Variants in CEP192 observed in about 807,000 individuals in gnomAD.
CEP192 encodes centrosomal protein of 192 kDa.
In CEP192, 151 loss-of-function variants were observed where a neutral mutation model predicts 271.8. The ratio of observed to expected loss-of-function variants is 0.56; its 90% CI spans 0.49 to 0.64. The LOEUF (loss-of-function observed/expected upper bound fraction) is 0.64, where lower values mean the gene tolerates loss of function less well. CEP192 is among the 30% of genes least tolerant of loss of function. CEP192 has a pLI of 0.00. For missense variants in CEP192, 2,910 were observed against 3,020.5 expected, an observed-to-expected ratio of 0.96 and a Z score of 0.86; for synonymous variants, 995 against 1,076.5, an observed-to-expected ratio of 0.92 and a Z score of 1.48.
intron 1 of CEP192, among the ~76,000 whole-genome samples, chr18:12,993,623 C>T (rs754652761): frequency 7.2e-5 from 11 of 152,156 alleles, no homozygotes; most frequent in Non-Finnish European, 1.3e-4. Context: ...GCTGGGACTC[C>T]AAGGCATGCA....
chr18:13,114,054 A>G, intron 41 of CEP192, 76 bp from the exon 42 acceptor site: 1 of 1,489,044 alleles, frequency 6.7e-7, no homozygotes, highest in Non-Finnish European at 9.1e-7. Context: ...GAAATGATAG[A>G]ATTCAAATAA....
chr18:13,049,558 G>C lies in CEP192; in HGVS notation c.2767G>C (p.Asp923His). 1 of 1,613,910 alleles carries C rather than the reference G, an allele frequency of 6.2e-7. No individual in the cohort carries two copies. The highest frequency in any genetic ancestry group is 8.5e-7 in the Non-Finnish European group (1 of 1,179,964). ...AATAACATCCCTTTGTCTGTTAAAA[G>C]ACTGTGAAGAAATACGAGATAACAG... is the stretch of plus-strand genomic sequence containing the variant. The part of the protein sequence containing the change: ...PRITSLCLLK[D>H]CEEIRDNREN... The change falls in exon 16 of 45, where the codon GAC becomes CAC. Residue 923 changes from aspartate to histidine, a missense_variant. Coordinates refer to ENST00000506447, the MANE Select transcript of CEP192 (RefSeq NM_032142.4).
chr18:13,012,224 C>T (rs2034403069), intron 4 of CEP192, among the ~76,000 whole-genome samples: 1 of 152,096 alleles, frequency 6.6e-6, no homozygotes, highest in South Asian at 2.1e-4. Context: ...GTGATGGCTG[C>T]ACAACCTAGT....
At chr18:13,009,796 G>A (rs1411023031) in intron 4 of CEP192, among the ~76,000 whole-genome samples, 1 of 152,250 alleles carries the variant, frequency 6.6e-6, no homozygotes, top group Non-Finnish European at 1.5e-5. Context: ...TCGTGCCACT[G>A]TACTCCAGCC....
Position 13,008,503 on chromosome 18 carries a change from A to G in CEP192, c.338A>G (p.Asn113Ser). 6.4e-7 allele frequency: 1 copy of G among 1,551,370 alleles called. No homozygotes were observed. The highest frequency in any genetic ancestry group is 1.2e-5 in the South Asian group (1 of 84,006). Residue 113 changes from asparagine (N) to serine (S), a missense_variant, in exon 4 of 45, where the codon AAT (asparagine) becomes AGT (serine). By Grantham distance (46) the Asn-to-Ser change is conservative. Coordinates refer to ENST00000506447, the MANE Select transcript of CEP192 (RefSeq NM_032142.4). ...TATGTGGAAAGTCAACGTTTGTCAA[A>G]TGCTCTCAGCAAACAGTCAGCTTTA... ...KSYVESQRLS[N>S]ALSKQSALQM...
At chr18:13,103,616 C>T (rs373107133) in intron 39 of CEP192, 28 bp downstream of exon 39, 28 of 1,515,176 alleles carry the variant, frequency 1.8e-5, no homozygotes, top group Non-Finnish European at 2.0e-5. Flanking sequence ...CAGATATAAT[C>T]GTTTTAATGT....
chr18:13,075,179 G>T (rs1038475963), intron 30 of CEP192, among the ~76,000 whole-genome samples: 1 of 152,216 alleles, frequency 6.6e-6, no homozygotes, highest in Non-Finnish European at 1.5e-5. Context: ...GAGGGAGGGA[G>T]TTTGGCCTTT....
At chr18:13,017,907 G>T (rs916264651) in intron 7 of CEP192, among the ~76,000 whole-genome samples, 3 of 152,058 alleles carry the variant, frequency 2.0e-5, no homozygotes, top group African/African-American at 7.2e-5. Flanking sequence ...TTAATTTGGA[G>T]TAGTTCTTTC....
At chr18:13,095,469 T>C (rs1362643064) in intron 34 of CEP192, 34 bp from the exon 35 acceptor site, 2 of 1,544,578 alleles carry the variant, frequency 1.3e-6, no homozygotes, top group African/African-American at 1.4e-5. Context: ...TCTTTCTTCA[T>C]GTCTAACTTT....
rs541151822 is a variant in CEP192, at chr18:13,068,843, T to C, written c.4823-9T>C. 67 of 1,614,130 alleles carry C rather than the reference T, an allele frequency of 4.2e-5. 2 individuals carry two copies. In the South Asian group the frequency reaches 7.2e-4, roughly 17 times the overall value. On this transcript the variant is annotated splice_polypyrimidine_tract_variant and intron_variant, in intron 24 of 44. Transcript: ENST00000506447. ...GGTCTCCAAGCTAAAAGAATGAACTTTTTTTTAGATATTCTGGACTCAGCA... is the reference window on the plus strand; with the variant it reads ...GGTCTCCAAGCTAAAAGAATGAACTCTTTTTTAGATATTCTGGACTCAGCA...
At chr18:13,000,091 C>CTCTCTCTCT (rs1555698196) in intron 2 of CEP192, among the ~76,000 whole-genome samples, 2 of 76,750 alleles carry the variant, frequency 2.6e-5, no homozygotes, top group African/African-American at 8.5e-5. Flanking sequence ...TGTCTTCTCT[C>CTCTCTCTCT]TTTTTTTTTT....
chr18:13,037,177 G>C, intron 11 of CEP192, 60 bp from the exon 12 acceptor site: 1 of 723,396 alleles, frequency 1.4e-6, no homozygotes, highest in South Asian at 1.6e-5. Context: ...ACTTGTATCT[G>C]TGTGCTAGTG....
At chr18:13,047,374 C>G (rs1321408911) in intron 15 of CEP192, among the ~76,000 whole-genome samples, 4 of 151,598 alleles carry the variant, frequency 2.6e-5, no homozygotes, top group Non-Finnish European at 4.4e-5. Context: ...CACACACACA[C>G]ACACCTCCTA....
chr18:13,034,361 T>C (rs2035797027), intron 11 of CEP192, among the ~76,000 whole-genome samples: 1 of 152,080 alleles, frequency 6.6e-6, no homozygotes, highest in Non-Finnish European at 1.5e-5. Flanking sequence ...TGGGAGCCTT[T>C]TTACTGAAAA....
chr18:13,123,425 G>C (rs1407661439), intron 44 of CEP192, among the ~76,000 whole-genome samples: 2 of 152,062 alleles, frequency 1.3e-5, no homozygotes, highest in African/African-American at 4.8e-5. Flanking sequence ...CCAGGAAAAG[G>C]GCTTTGAAAT....
chr18:13,095,814 C>T (rs537769479), intron 35 of CEP192, 133 bp downstream of exon 35: 1 of 790,088 alleles, frequency 1.3e-6, no homozygotes, highest in Non-Finnish European at 2.0e-6. Flanking sequence ...GGCCCTGCTT[C>T]CACTGTTGGA....
At chr18:13,013,882 A>G (rs1047650167) in intron 5 of CEP192, among the ~76,000 whole-genome samples, 2 of 152,268 alleles carry the variant, frequency 1.3e-5, no homozygotes, top group African/African-American at 4.8e-5. Flanking sequence ...GAATGAATGC[A>G]AAAGGGTCTA....
Position 13,029,963 on chromosome 18 carries a change from AC to A in CEP192, c.1352del (p.Thr451AsnfsTer46). The A allele has an allele frequency of 6.4e-7, 1 of 1,551,490 alleles. No homozygotes were observed. The highest frequency in any genetic ancestry group is 2.4e-5 in the East Asian group (1 of 40,920). ...TTGGTCACCAACTTGTGAAAGGCGA[AC>A]ATGTGAATGTCACGAGTCCATCGAA... The part of the protein sequence containing the change: ...AIWSPTCERR[T>X]CECHESIEKN... On this transcript the variant is annotated frameshift_variant, in exon 10 of 45. Coordinates refer to ENST00000506447, the MANE Select transcript of CEP192 (RefSeq NM_032142.4). LOFTEE classifies it high-confidence loss of function.
At chr18:13,053,927 GGT>G (rs1430285417) in intron 18 of CEP192, among the ~76,000 whole-genome samples, 3 of 151,994 alleles carry the variant, frequency 2.0e-5, no homozygotes, top group Non-Finnish European at 1.5e-5. Context: ...CCTGGGCTCA[GGT>G]GTTCCTTCTG....
Sources: gnomAD v4.1 joint callset for allele counts (sites outside exome capture counted in the v4.1 genomes callset) on GRCh38, gnomAD v4.1.1 for gene constraint, MANE v1.5 for transcripts, NCBI Gene and HGNC (gene_info 2026-07-23, HGNC 2026-07-21) for gene names.